The following CCM2 variants were observed in gnomAD, a reference collection of about 807,000 sequenced individuals.
CCM2 encodes the protein CCM2 scaffold protein, also known as cerebral cavernous malformations 2 protein.
Under a neutral mutation model 44.9 loss-of-function variants are expected in CCM2, and 25 were observed. The observed-to-expected ratio is 0.56, with a 90% CI of 0.41 to 0.78. The LOEUF is 0.78. Ranked by LOEUF, CCM2 falls within the 30% of genes least tolerant of loss-of-function variation. The pLI is 0.00. For missense variants in CCM2, 481 were observed against 580.6 expected (o/e 0.83, Z 1.76); for synonymous variants, 219 against 241.1 (o/e 0.91, Z 0.85).
At chr7:45,059,429 A>AG (rs1554373724) in intron 2 of CCM2, among the ~76,000 whole-genome samples, 4 of 115,384 alleles carry the variant, frequency 3.5e-5, no homozygotes, top group East Asian at 2.3e-4. Flanking sequence ...AAAAAAAAAA[A>AG]AAAGAAAGAA....
intron 1 of CCM2, among the ~76,000 whole-genome samples, chr7:45,012,380 C>T (rs780948474): frequency 2.6e-4 from 39 of 151,778 alleles, no homozygotes; most frequent in African/African-American, 8.2e-4. Context: ...GTGATCCACC[C>T]GCCTCGGCCT....
At chr7:45,032,378 C>T (rs778700979) in intron 1 of CCM2, among the ~76,000 whole-genome samples, 4 of 152,028 alleles carry the variant, frequency 2.6e-5, no homozygotes, top group African/African-American at 9.7e-5. Context: ...TTTGGCGTTC[C>T]GGGGTCGCCC....
At chr7:45,034,244 T>C (rs1226211747) in intron 1 of CCM2, among the ~76,000 whole-genome samples, 1 of 151,886 alleles carries the variant, frequency 6.6e-6, no homozygotes, top group East Asian at 1.9e-4. Flanking sequence ...GGAGTCTCTC[T>C]CTTGTTGCCC....
chr7:45,068,991 C>T (rs1052973561), intron 5 of CCM2, among the ~76,000 whole-genome samples: 2 of 152,242 alleles, frequency 1.3e-5, no homozygotes, highest in Non-Finnish European at 2.9e-5. Context: ...GCGGCGGTCA[C>T]CTGTGCATCC....
chr7:45,023,740 T>C lies in CCM2; in HGVS notation c.31-14513T>C, dbSNP rs1027418840. Among the ~76,000 whole-genome samples the C allele has an allele frequency of 2.1e-5, 3 of 142,988 alleles. No homozygotes were observed. The East Asian group carries it at 6.0e-4, about 29-fold the overall frequency. The allele number at this position is 142,988 out of a possible 152,430, so 93.8% of individuals were successfully genotyped here. A position where few individuals can be genotyped will look rare whatever the true frequency, so the allele number is the denominator to read the frequency against. On this transcript the variant is annotated intron_variant, in intron 1 of 9. Transcript: ENST00000258781. ...TGGGAAATCTTTTTTTTTTTTTTTT[T>C]GTCGTGTGCATCTTTGTTTAGTCAT...
In CCM2 at chr7:45,075,107, G is replaced by A. The variant is rs893959923; in HGVS notation, c.1055-670G>A. Among the ~76,000 whole-genome samples the A allele has an allele frequency of 3.3e-5, 5 of 152,238 alleles. 1 individual carries two copies. Among genetic ancestry groups the A allele is most frequent in the African/African-American group, 7.2e-5 (3 of 41,466 alleles). The stretch of plus-strand genomic sequence containing the variant: ...GTGGATTGCCTGCCCAGGGCTCCCC[G>A]CTCTTAGGAGCGTGAAGGGCTGGAG... On this transcript the variant is annotated intron_variant, in intron 9 of 9. Coordinates refer to ENST00000258781, the MANE Select transcript of CCM2 (RefSeq NM_031443.4).
intron 1 of CCM2, among the ~76,000 whole-genome samples, chr7:45,003,083 CT>C (rs902560345): frequency 1.3e-5 from 2 of 151,272 alleles, no homozygotes; most frequent in South Asian, 4.2e-4. Flanking sequence ...TATGTAATTC[CT>C]TTTTTTTTGA....
intron 9 of CCM2, 101 bp from the exon 10 acceptor site, chr7:45,075,676 G>C (rs1784196800): frequency 1.4e-6 from 2 of 1,455,688 alleles, no homozygotes; most frequent in Non-Finnish European, 1.9e-6. Context: ...CCATGCACCA[G>C]GGGCAGCTGT....
chr7:45,062,779 A>G (rs1798583603), intron 2 of CCM2, among the ~76,000 whole-genome samples: 1 of 151,118 alleles, frequency 6.6e-6, no homozygotes, highest in Non-Finnish European at 1.5e-5. Context: ...GTGAGCCAAG[A>G]TCACGCCTCT....
At chr7:45,063,871 G>T in intron 2 of CCM2, 47 bp from the exon 3 acceptor site, 2 of 1,268,344 alleles carry the variant, frequency 1.6e-6, no homozygotes, top group South Asian at 1.2e-5. Flanking sequence ...GGTGGTGTTG[G>T]CTCAGCTCCC....
At chr7:45,009,657 G>T (rs1795991263) in intron 1 of CCM2, among the ~76,000 whole-genome samples, 1 of 152,020 alleles carries the variant, frequency 6.6e-6, no homozygotes, top group Non-Finnish European at 1.5e-5. Context: ...GCCCACCTCG[G>T]CCTCCCAAAG....
Position 45,000,339 on chromosome 7 carries a change from A to G in CCM2, c.6A>G (p.Glu2=). 1 of 1,223,132 alleles carries G rather than the reference A, an allele frequency of 8.2e-7. No individual in the cohort carries two copies. Among genetic ancestry groups the G allele is most frequent in the Non-Finnish European group, 1.0e-6 (1 of 970,228 alleles). The allele number at this position is 1,223,132 out of a possible 1,614,324, so 75.8% of individuals were successfully genotyped here. The change falls in exon 1 of 10, where the codon GAA becomes GAG. Residue 2 remains glutamate, a synonymous_variant. Transcript: ENST00000258781. M[E]EEGKKGKKPG... ...CGGGAGCCGCACGCGGCGATATGGA[A>G]GAGGAGGGCAAGAAGGGCAAGAAGG...
intron 1 of CCM2, among the ~76,000 whole-genome samples, chr7:45,004,182 GAAAA>G (rs746012181): frequency 6.6e-6 from 1 of 151,042 alleles, no homozygotes; most frequent in Non-Finnish European, 1.5e-5. Flanking sequence ...AAGAAAAAGA[GAAAA>G]AAAAGGTTAT....
chr7:45,072,404 A>G (rs958818520), intron 6 of CCM2: 1 of 490,952 alleles, frequency 2.0e-6, no homozygotes. Context: ...AGCCCCAGTA[A>G]CCCTGCCTGG....
chr7:45,009,186 A>G (rs1181118048), intron 1 of CCM2, among the ~76,000 whole-genome samples: 3 of 151,114 alleles, frequency 2.0e-5, no homozygotes, highest in Non-Finnish European at 4.4e-5. Flanking sequence ...CTGTAATCCC[A>G]GCTACTCCAG....
intron 1 of CCM2, among the ~76,000 whole-genome samples, chr7:45,023,386 C>T (rs1796558197): frequency 6.6e-6 from 1 of 152,152 alleles, no homozygotes; most frequent in Non-Finnish European, 1.5e-5. Context: ...CCCATCTCTA[C>T]TAAAAATACA....
At chr7:45,009,300 CAAAAAAAA>C (rs774413571) in intron 1 of CCM2, among the ~76,000 whole-genome samples, 2 of 20,170 alleles carry the variant, frequency 9.9e-5, no homozygotes, top group African/African-American at 4.3e-4. Flanking sequence ...GCCTCTGTCT[CAAAAAAAA>C]AAAAAAAAAA....
intron 1 of CCM2, among the ~76,000 whole-genome samples, chr7:45,022,724 T>C (rs1386517940): frequency 6.6e-6 from 1 of 152,060 alleles, no homozygotes; most frequent in Admixed American, 6.6e-5. Context: ...GGGTGAATTG[T>C]ATAGTGATGA....
intron 1 of CCM2, among the ~76,000 whole-genome samples, chr7:45,010,570 G>T (rs1796027056): frequency 6.6e-6 from 1 of 152,002 alleles, no homozygotes; most frequent in South Asian, 2.1e-4. Flanking sequence ...ATTTGTTGGA[G>T]ATTTAGTTTC....
Sources: gnomAD v4.1 joint callset for allele counts (sites outside exome capture counted in the v4.1 genomes callset) on GRCh38, gnomAD v4.1.1 for gene constraint, MANE v1.5 for transcripts, NCBI Gene and HGNC (gene_info 2026-07-23, HGNC 2026-07-21) for gene names.